STK38L: variants seen among roughly 807,000 people sequenced by gnomAD.
STK38L encodes serine/threonine kinase 38 like, also known as serine/threonine-protein kinase 38-like.
Under a neutral mutation model 59.7 loss-of-function variants are expected in STK38L, and 28 were observed. The observed-to-expected ratio is 0.47, with a 90% CI of 0.35 to 0.64. The LOEUF is 0.64. STK38L is among the 30% of genes least tolerant of loss of function. The pLI is 0.01. For synonymous variants in STK38L, 162 were observed against 176.8 expected (o/e 0.92, Z 0.66); for missense variants, 314 against 555.8 (o/e 0.56, Z 4.37).
chr12:27,264,312 A>G (rs1484796695), intron 1 of STK38L, among the ~76,000 whole-genome samples: 12 of 152,192 alleles, frequency 7.9e-5, no homozygotes, highest in Admixed American at 7.9e-4. Flanking sequence ...AGTAACATTA[A>G]TGTTACTAGG....
chr12:27,316,555 CCCCTG>C (rs1265180479), intron 9 of STK38L, among the ~76,000 whole-genome samples: 1 of 152,162 alleles, frequency 6.6e-6, no homozygotes, highest in African/African-American at 2.4e-5. Flanking sequence ...GCACCTGGAT[CCCCTG>C]CCCTGTAAAT....
intron 9 of STK38L, among the ~76,000 whole-genome samples, chr12:27,316,625 C>T (rs1377432890): frequency 6.6e-6 from 1 of 152,032 alleles, no homozygotes; most frequent in Non-Finnish European, 1.5e-5. Flanking sequence ...TGCCATGGCC[C>T]CAAGAGTACT....
chr12:27,300,687 A>C, intron 2 of STK38L: 1 of 448,804 alleles, frequency 2.2e-6, no homozygotes, highest in Non-Finnish European at 4.5e-6. Context: ...CATAAACAAA[A>C]GACAAAAATC....
intron 1 of STK38L, among the ~76,000 whole-genome samples, chr12:27,279,631 C>T (rs1315403149): frequency 6.8e-6 from 1 of 147,488 alleles, no homozygotes. Flanking sequence ...GAGGCTGAGG[C>T]AGGGAGAATT....
At chr12:27,307,735 G>C (rs1944351598) in intron 3 of STK38L, among the ~76,000 whole-genome samples, 1 of 152,144 alleles carries the variant, frequency 6.6e-6, no homozygotes, top group Non-Finnish European at 1.5e-5. Context: ...ATTTTTTGTG[G>C]TCTTTGTAGA....
At position 27,309,213 on chromosome 12, in the gene STK38L, C is replaced by A; in HGVS notation, c.393+16C>A. On this transcript the variant is annotated intron_variant, in intron 5 of 13. Coordinates refer to ENST00000389032, the MANE Select transcript of STK38L (RefSeq NM_015000.4). ...AAAAGAGCAGGTATGAGTTCTTTAACACATGTAATATAAAGGAGCATCCAC... is the reference window on the plus strand; with the variant it reads ...AAAAGAGCAGGTATGAGTTCTTTAAAACATGTAATATAAAGGAGCATCCAC... The A allele has an allele frequency of 6.4e-7, 1 of 1,566,406 alleles. No homozygotes were observed. Among genetic ancestry groups the A allele is most frequent in the Non-Finnish European group, 8.7e-7 (1 of 1,150,754 alleles).
intron 2 of STK38L, 119 bp from the exon 3 acceptor site, chr12:27,302,018 G>A (rs1007413266): frequency 9.0e-6 from 5 of 554,174 alleles, no homozygotes; most frequent in Middle Eastern, 5.7e-4. Flanking sequence ...CAACTTGAAA[G>A]TTTTTTTTTT....
intron 1 of STK38L, among the ~76,000 whole-genome samples, chr12:27,282,302 A>T (rs1457832815): frequency 6.6e-6 from 1 of 152,194 alleles, no homozygotes; most frequent in African/African-American, 2.4e-5. Flanking sequence ...CTTCTGTTGT[A>T]TAAGTAGAAA....
intron 12 of STK38L, 26 bp from the exon 13 acceptor site, chr12:27,322,114 TACC>T: frequency 6.3e-7 from 1 of 1,585,980 alleles, no homozygotes; most frequent in South Asian, 1.1e-5. Flanking sequence ...CAAGAAAAGT[TACC>T]ATGCATACTT....
intron 5 of STK38L, 60 bp downstream of exon 5, chr12:27,309,257 G>T: frequency 7.9e-7 from 1 of 1,260,632 alleles, no homozygotes. Flanking sequence ...TGTTAAGAGT[G>T]TTTATATTAG....
At chr12:27,276,115 A>T (rs1260196326) in intron 1 of STK38L, among the ~76,000 whole-genome samples, 2 of 152,298 alleles carry the variant, frequency 1.3e-5, no homozygotes, top group Admixed American at 6.5e-5. Context: ...GAAAAATTTA[A>T]GTATACACAA....
At position 27,308,533 on chromosome 12, in the gene STK38L, T is replaced by C. The variant is rs1591928654; in HGVS notation, c.309+72T>C. The C allele has an allele frequency of 7.4e-7, 1 of 1,357,898 alleles. No homozygotes were observed. The highest frequency in any genetic ancestry group is 3.0e-5 in the East Asian group (1 of 33,424). The allele number at this position is 1,357,898 out of a possible 1,614,324, so 84.1% of individuals were successfully genotyped here. A position where few individuals can be genotyped will look rare whatever the true frequency, so the allele number is the denominator to read the frequency against. On this transcript the variant is annotated intron_variant, in intron 4 of 13. Coordinates refer to ENST00000389032, the MANE Select transcript of STK38L (RefSeq NM_015000.4). The surrounding 1 kb of genome is among the most constrained non-coding windows in gnomAD (Gnocchi z 4.5). The stretch of plus-strand genomic sequence containing the variant: ...AGATAATTTAAAATATGTGTTAAAA[T>C]ATAATTCCTGGCTGGGTGCGGTGGC...
Position 27,315,092 on chromosome 12 carries a change from C to G in STK38L, c.750C>G (p.Leu250=), listed in dbSNP as rs1189173638. The G allele has an allele frequency of 3.7e-6, 6 of 1,613,620 alleles. No homozygotes were observed. Among genetic ancestry groups the G allele is most frequent in the Non-Finnish European group, 5.1e-6 (6 of 1,179,828 alleles). ...ACAGGACTGAATTTTATAGAAATCTCACACACAACCCACCAAGTGACTTCT... is the reference window on the plus strand; with the variant it reads ...ACAGGACTGAATTTTATAGAAATCTGACACACAACCCACCAAGTGACTTCT... ...KAHRTEFYRN[L]THNPPSDFSF... The change falls in exon 8 of 14, where the codon CTC becomes CTG. Residue 250 remains leucine, a synonymous_variant. Coordinates refer to ENST00000389032, the MANE Select transcript of STK38L (RefSeq NM_015000.4).
At chr12:27,292,850 A>G (rs1943926308) in intron 1 of STK38L, among the ~76,000 whole-genome samples, 1 of 152,228 alleles carries the variant, frequency 6.6e-6, no homozygotes, top group Non-Finnish European at 1.5e-5. Flanking sequence ...TGATGGAAGA[A>G]ACCTCATCTT....
chr12:27,295,542 G>GC (rs1943997706), intron 1 of STK38L, among the ~76,000 whole-genome samples: 1 of 151,824 alleles, frequency 6.6e-6, no homozygotes, highest in African/African-American at 2.4e-5. Context: ...CTGTTACTGC[G>GC]CCCCCTCCCT....
At chr12:27,276,504 C>G (rs974578311) in intron 1 of STK38L, among the ~76,000 whole-genome samples, 4 of 151,856 alleles carry the variant, frequency 2.6e-5, no homozygotes, top group African/African-American at 9.7e-5. Context: ...TTCACATGCC[C>G]TGGAGAGAGT....
chr12:27,315,156 A>C (rs769809649), intron 8 of STK38L, 39 bp downstream of exon 8: 16 of 1,589,492 alleles, frequency 1.0e-5, no homozygotes, highest in Non-Finnish European at 1.4e-5. Flanking sequence ...CCCCTGGTTA[A>C]GATACTGTAG....
chr12:27,253,206 G>A (rs1423624556), intron 1 of STK38L, among the ~76,000 whole-genome samples: 1 of 152,176 alleles, frequency 6.6e-6, no homozygotes, highest in Non-Finnish European at 1.5e-5. Flanking sequence ...TGTTGGATTT[G>A]AACCCTTTGA....
rs529033839 is a variant in STK38L at position 27,309,118 on chromosome 12, G to A, written c.314G>A (p.Arg105Gln). The A allele has an allele frequency of 9.5e-6, 15 of 1,582,812 alleles. 1 individual carries two copies. Among genetic ancestry groups the A allele is most frequent in the South Asian group, 3.5e-5 (3 of 85,994 alleles). The change falls in exon 5 of 14, where the codon CGG becomes CAG. Residue 105 changes from arginine (R) to glutamine (Q), a missense_variant. Physicochemically the swap from Arg to Gln is conservative, Grantham distance 43 (BLOSUM62 1). Transcript: ENST00000389032. ...TATATGTTTTTTATCTTTTAGGTGCGGTTGGTCCAGAAGAAAGATACAGGC... is the reference window on the plus strand; with the variant it reads ...TATATGTTTTTTATCTTTTAGGTGCAGTTGGTCCAGAAGAAAGATACAGGC... Reference protein sequence around the residue: ...VIGRGAFGEVRLVQKKDTGHI... With the variant: ...VIGRGAFGEVQLVQKKDTGHI...
Sources: gnomAD v4.1 joint callset for allele counts (sites outside exome capture counted in the v4.1 genomes callset) on GRCh38, gnomAD v4.1.1 for gene constraint, Gnocchi (gnomAD v3.1) non-coding constraint, MANE v1.5 for transcripts, NCBI Gene and HGNC (gene_info 2026-07-23, HGNC 2026-07-21) for gene names.